BARD1: variants seen among roughly 807,000 people sequenced by gnomAD.
The protein encoded by BARD1 is BRCA1-associated RING domain protein 1.
BARD1 carries 73 observed loss-of-function variants against 77.0 expected under a neutral mutation model. The observed-to-expected ratio is 0.95, with a 90% CI of 0.79 to 1.15. The LOEUF (loss-of-function observed/expected upper bound fraction) is 1.15, where lower values mean the gene tolerates loss of function less well. Among genes scored for constraint, BARD1 ranks in the 50% most tolerant of loss-of-function variants. BARD1 has a pLI of 0.00. For missense variants in BARD1, 993 were observed against 938.8 expected, an observed-to-expected ratio of 1.06 and a Z score of -0.75; for synonymous variants, 384 against 338.0, an observed-to-expected ratio of 1.14 and a Z score of -1.49.
intron 1 of BARD1, among the ~76,000 whole-genome samples, chr2:214,802,784 T>C (rs1179984445): frequency 1.3e-5 from 2 of 152,186 alleles, no homozygotes; most frequent in East Asian, 3.8e-4. Flanking sequence ...GAGAAGACAT[T>C]TGCATGGTAA....
chr2:214,801,850 G>GGA (rs1491138958), intron 1 of BARD1, among the ~76,000 whole-genome samples: 1 of 1,560 alleles, frequency 6.4e-4, no homozygotes, highest in Non-Finnish European at 7.9e-3. Context: ...AATATTTGGC[G>GGA]GGGGGGGGGG....
chr2:214,763,934 A>G (rs2106067663), intron 6 of BARD1, among the ~76,000 whole-genome samples: 1 of 152,332 alleles, frequency 6.6e-6, no homozygotes, highest in South Asian at 2.1e-4. Flanking sequence ...TCTAGAAGAC[A>G]GTCTCTAGAA....
intron 6 of BARD1, among the ~76,000 whole-genome samples, chr2:214,761,548 G>A (rs1693964973): frequency 6.6e-6 from 1 of 151,982 alleles, no homozygotes; most frequent in Non-Finnish European, 1.5e-5. Context: ...AGTCAAAAAA[G>A]CATAAGCTTT....
chr2:214,805,705 T>C (rs115193276), intron 1 of BARD1, among the ~76,000 whole-genome samples: 2,281 of 152,094 alleles, frequency 0.015, 63 homozygotes, highest in African/African-American at 0.052. Context: ...ATCTACACTA[T>C]GCTGCCTCAA....
chr2:214,802,959 T>C (rs1474768086), intron 1 of BARD1, among the ~76,000 whole-genome samples: 1 of 152,194 alleles, frequency 6.6e-6, no homozygotes, highest in Non-Finnish European at 1.5e-5. Context: ...CATAGGAGAC[T>C]CCATTTTATT....
At chr2:214,736,796 TTC>T (rs1692586099) in intron 9 of BARD1, among the ~76,000 whole-genome samples, 1 of 152,130 alleles carries the variant, frequency 6.6e-6, no homozygotes, top group Admixed American at 6.6e-5. Context: ...TCATTAAATA[TTC>T]TGTTTCATGG....
chr2:214,729,871 C>G (rs1162521082), intron 10 of BARD1, among the ~76,000 whole-genome samples: 1 of 152,054 alleles, frequency 6.6e-6, no homozygotes, highest in East Asian at 1.9e-4. Context: ...TGGGGGTGTG[C>G]CCTCCAGGGT....
chr2:214,803,883 A>T (rs1210840417), intron 1 of BARD1, among the ~76,000 whole-genome samples: 1 of 152,232 alleles, frequency 6.6e-6, no homozygotes, highest in East Asian at 1.9e-4. Flanking sequence ...AACTTAGGGA[A>T]GAATTAAGTA....
At chr2:214,771,379 A>T (rs988322669) in intron 4 of BARD1, among the ~76,000 whole-genome samples, 1 of 152,028 alleles carries the variant, frequency 6.6e-6, no homozygotes, top group Admixed American at 6.6e-5. Context: ...TGTTGGTTTG[A>T]TAATGTAGAA....
chr2:214,738,539 T>A (rs556709898), intron 9 of BARD1, among the ~76,000 whole-genome samples: 7 of 152,124 alleles, frequency 4.6e-5, no homozygotes, highest in Non-Finnish European at 1.0e-4. Flanking sequence ...TAAAAGCATA[T>A]ACATCAGTAG....
chr2:214,750,138 G>A (rs184876855), intron 7 of BARD1, among the ~76,000 whole-genome samples: 1 of 152,060 alleles, frequency 6.6e-6, no homozygotes, highest in East Asian at 1.9e-4. Context: ...GCAGTACTGG[G>A]ATCTGGTGAG....
intron 1 of BARD1, among the ~76,000 whole-genome samples, chr2:214,802,084 A>T: frequency 6.6e-6 from 1 of 152,130 alleles, no homozygotes; most frequent in Admixed American, 6.5e-5. Flanking sequence ...AATATTTTGT[A>T]CAGATGATCC....
intron 6 of BARD1, among the ~76,000 whole-genome samples, chr2:214,757,391 G>A (rs1471782206): frequency 6.6e-6 from 1 of 151,828 alleles, no homozygotes; most frequent in South Asian, 2.1e-4. Flanking sequence ...GATATGACTG[G>A]AGATTTTACA....
chr2:214,736,482 G>A lies in BARD1; in HGVS notation c.1904-5974C>T, dbSNP rs148985110. Among the ~76,000 whole-genome samples the A allele has an allele frequency of 7.6e-3, 1,161 of 152,194 alleles. 4 individuals carry two copies. Among genetic ancestry groups the A allele is most frequent in the Admixed American group, 0.012 (181 of 15,286 alleles). On this transcript the variant is annotated intron_variant, in intron 9 of 10. Coordinates refer to ENST00000260947, the MANE Select transcript of BARD1 (RefSeq NM_000465.4). ...GCATATGGTGGCACAGAAAGCCAAG[G>A]ACTGAACATTCTTATGATATCTACT...
chr2:214,759,872 C>T (rs1401358610), intron 6 of BARD1, among the ~76,000 whole-genome samples: 1 of 152,184 alleles, frequency 6.6e-6, no homozygotes, highest in Non-Finnish European at 1.5e-5. Context: ...ACTTTAAATT[C>T]ATACCACAAT....
At chr2:214,746,239 CTTG>C (rs1255234867) in intron 7 of BARD1, among the ~76,000 whole-genome samples, 2 of 152,162 alleles carry the variant, frequency 1.3e-5, no homozygotes, top group Non-Finnish European at 2.9e-5. Flanking sequence ...TAAAATCAAA[CTTG>C]TTTAGTTTAA....
At chr2:214,748,696 A>C (rs1412280268) in intron 7 of BARD1, among the ~76,000 whole-genome samples, 1 of 152,024 alleles carries the variant, frequency 6.6e-6, no homozygotes, top group African/African-American at 2.4e-5. Flanking sequence ...AATTCTAAAG[A>C]GAAAGGAGAG....
At chr2:214,783,426 G>T (rs530038195) in intron 3 of BARD1, among the ~76,000 whole-genome samples, 1 of 152,126 alleles carries the variant, frequency 6.6e-6, no homozygotes, top group Non-Finnish European at 1.5e-5. Context: ...CATGGATAAT[G>T]CTGGAAGCCA....
Position 214,797,206 on chromosome 2 carries a change from CA to C in BARD1, c.159-90del. Reference sequence around the variant, plus strand: ...TATTTCATCCAAGGCCCAACACTACCATATTTCTCACTTTCTCAAAGCAGAA... The same window carrying C: ...TATTTCATCCAAGGCCCAACACTACCTATTTCTCACTTTCTCAAAGCAGAA... On this transcript the variant is annotated intron_variant, in intron 1 of 10. Transcript: ENST00000260947. 4.9e-6 allele frequency: 5 copies of C among 1,015,244 alleles called. No homozygotes were observed. The South Asian group carries it at 6.3e-5, about 13-fold the overall frequency. The allele number at this position is 1,015,244 out of a possible 1,614,324, so 62.9% of individuals were successfully genotyped here.
Sources: gnomAD v4.1 joint callset for allele counts (sites outside exome capture counted in the v4.1 genomes callset) on GRCh38, gnomAD v4.1.1 for gene constraint, MANE v1.5 for transcripts, NCBI Gene and HGNC (gene_info 2026-07-23, HGNC 2026-07-21) for gene names.